LINGO2: variants seen among roughly 807,000 people sequenced by gnomAD.
LINGO2 encodes the protein leucine rich repeat and Ig domain containing 2.
A neutral mutation model predicts 30.6 loss-of-function variants in LINGO2; 14 were observed. The ratio of observed to expected loss-of-function variants is 0.46; its 90% CI spans 0.30 to 0.72. The LOEUF (loss-of-function observed/expected upper bound fraction) is 0.72. LINGO2 is among the 30% of genes least tolerant of loss of function. The pLI, the probability that LINGO2 is intolerant of heterozygous loss-of-function variation, is 0.07. For missense variants in LINGO2, 729 were observed against 751.7 expected (o/e 0.97, Z 0.35); for synonymous variants, 317 against 288.5 (o/e 1.10, Z -1.00).
chr9:28,605,923 A>T (rs906872462), intron 1 of LINGO2, among the ~76,000 whole-genome samples: 1 of 152,028 alleles, frequency 6.6e-6, no homozygotes, highest in Non-Finnish European at 1.5e-5. Context: ...TTTAGGGAAA[A>T]TCTTTGCCAT....
chr9:28,537,707 G>C (rs1350871255), intron 1 of LINGO2, among the ~76,000 whole-genome samples: 2 of 151,838 alleles, frequency 1.3e-5, no homozygotes, highest in Non-Finnish European at 2.9e-5. Flanking sequence ...TACATAAAAG[G>C]TATGATGAGA....
At chr9:28,182,031 G>A (rs1414816623) in intron 4 of LINGO2, among the ~76,000 whole-genome samples, 1 of 151,960 alleles carries the variant, frequency 6.6e-6, no homozygotes, top group Admixed American at 6.6e-5. Flanking sequence ...AAAGAACAAA[G>A]CTGGAGGCAT....
chr9:29,119,461 GAGATAATAAT>G, the LINGO2 span, among the ~76,000 whole-genome samples: 3 of 151,220 alleles, frequency 2.0e-5, no homozygotes, highest in Non-Finnish European at 4.4e-5. Flanking sequence ...AGAAACTAAA[GAGATAATAAT>G]AGATATTGAT....
intron 4 of LINGO2, among the ~76,000 whole-genome samples, chr9:28,189,339 GGA>G: frequency 1.6e-5 from 1 of 61,072 alleles, no homozygotes; most frequent in Non-Finnish European, 3.4e-5. Flanking sequence ...GAGGAAGGAA[GGA>G]AGGGAGGAAG....
At chr9:28,197,049 T>A (rs545348828) in intron 4 of LINGO2, among the ~76,000 whole-genome samples, 90 of 152,048 alleles carry the variant, frequency 5.9e-4, no homozygotes, top group African/African-American at 2.1e-3. Flanking sequence ...AAGAGTGGAA[T>A]TGGAATGCTC....
chr9:29,175,515 C>T, the LINGO2 span, among the ~76,000 whole-genome samples: 2 of 144,300 alleles, frequency 1.4e-5, no homozygotes, highest in Admixed American at 1.5e-4. Flanking sequence ...TAGATCGTAT[C>T]TCCGAGATTT....
chr9:28,546,201 T>A (rs1184046012), intron 1 of LINGO2, among the ~76,000 whole-genome samples: 1 of 152,084 alleles, frequency 6.6e-6, no homozygotes, highest in Admixed American at 6.6e-5. Context: ...AAATAGGTTT[T>A]GGTAGTGTAG....
intron 4 of LINGO2, among the ~76,000 whole-genome samples, chr9:28,202,174 T>C (rs892931135): frequency 2.2e-4 from 33 of 152,170 alleles, no homozygotes; most frequent in African/African-American, 7.7e-4. Flanking sequence ...ATGACTTTAT[T>C]TTAGCTTACC....
At chr9:28,195,478 A>T (rs1819978685) in intron 4 of LINGO2, among the ~76,000 whole-genome samples, 1 of 151,120 alleles carries the variant, frequency 6.6e-6, no homozygotes, top group African/African-American at 2.4e-5. Flanking sequence ...GAGGCACTTA[A>T]AAGATGCTTT....
At chr9:28,459,895 C>G (rs916998068) in intron 2 of LINGO2, among the ~76,000 whole-genome samples, 1 of 151,984 alleles carries the variant, frequency 6.6e-6, no homozygotes, top group African/African-American at 2.4e-5. Context: ...TATTAGATAA[C>G]TTATAAACAT....
At chr9:28,600,403 C>T (rs534255856) in intron 1 of LINGO2, among the ~76,000 whole-genome samples, 16 of 151,930 alleles carry the variant, frequency 1.1e-4, no homozygotes, top group Non-Finnish European at 2.2e-4. Context: ...TCAATGAATC[C>T]ACAACATTCA....
At chr9:28,286,030 A>T (rs1823495374) in intron 4 of LINGO2, among the ~76,000 whole-genome samples, 1 of 152,218 alleles carries the variant, frequency 6.6e-6, no homozygotes, top group African/African-American at 2.4e-5. Flanking sequence ...ATGATACCTA[A>T]TAAATGCTTT....
the LINGO2 span, among the ~76,000 whole-genome samples, chr9:28,889,913 A>G: frequency 2.0e-5 from 3 of 152,048 alleles, no homozygotes; most frequent in Non-Finnish European, 4.4e-5. Flanking sequence ...TGCCTATGTT[A>G]GTTTGTTCAA....
At chr9:29,040,822 G>A in the LINGO2 span, among the ~76,000 whole-genome samples, 1 of 151,794 alleles carries the variant, frequency 6.6e-6, no homozygotes, top group Non-Finnish European at 1.5e-5. Flanking sequence ...TAATAATAGA[G>A]CCATATGGGT....
chr9:28,371,752 A>T (rs1331866), intron 3 of LINGO2, among the ~76,000 whole-genome samples: 2 of 152,052 alleles, frequency 1.3e-5, no homozygotes, highest in African/African-American at 2.4e-5. Context: ...ACTTGAATTA[A>T]AATATACTTG....
chr9:28,770,962 T>A, the LINGO2 span, among the ~76,000 whole-genome samples: 1 of 152,300 alleles, frequency 6.6e-6, no homozygotes, highest in African/African-American at 2.4e-5. Context: ...GACCTTGATT[T>A]AGGCATAGAC....
intron 5 of LINGO2, among the ~76,000 whole-genome samples, chr9:27,972,687 T>G (rs1014826618): frequency 2.6e-5 from 4 of 152,190 alleles, no homozygotes; most frequent in South Asian, 4.1e-4. Context: ...CCAGGCAGGC[T>G]GGTATTGAGG....
chr9:28,035,804 G>A lies in LINGO2; in HGVS notation c.-86-23399C>T, dbSNP rs182210130. ...TTTAGTAGAAAGGTGCTGTATGAAT[G>A]TGAAAGCTCCTAATTAGCTTTTGTA... On this transcript the variant is annotated intron_variant, in intron 4 of 5. Coordinates refer to ENST00000379992, the Ensembl canonical transcript of LINGO2. Among the ~76,000 whole-genome samples the A allele has an allele frequency of 2.0e-4, 30 of 152,256 alleles. No individual in the cohort carries two copies. The East Asian group carries it at 5.8e-3, about 29-fold the overall frequency.
intron 5 of LINGO2, among the ~76,000 whole-genome samples, chr9:28,003,585 C>T (rs890193915): frequency 1.3e-5 from 2 of 152,154 alleles, no homozygotes; most frequent in Admixed American, 6.5e-5. Context: ...CCTCAGCCTC[C>T]TGAGTAGCTG....
Sources: allele counts gnomAD v4.1 joint callset (sites outside exome capture counted in the v4.1 genomes callset), GRCh38; gene constraint gnomAD v4.1.1; transcripts MANE v1.5; gene names NCBI Gene and HGNC (gene_info 2026-07-23, HGNC 2026-07-21).